DIAPH2: variants seen among roughly 807,000 people sequenced by gnomAD.
The protein encoded by DIAPH2 is diaphanous related formin 2, also known as protein diaphanous homolog 2.
DIAPH2 carries 35 observed loss-of-function variants against 92.7 expected under a neutral mutation model. The ratio of observed to expected loss-of-function variants is 0.38; its 90% CI spans 0.29 to 0.50. The LOEUF is 0.50. Among genes scored for constraint, DIAPH2 ranks in the 20% least tolerant of loss-of-function variants. The probability of loss-of-function intolerance (pLI) is 0.94; values close to 1 mark genes in which losing one functional copy is unlikely to be tolerated. For missense variants in DIAPH2, 701 were observed against 819.5 expected (o/e 0.86, Z 1.77); for synonymous variants, 301 against 280.4 (o/e 1.07, Z -0.73).
intron 24 of DIAPH2, among the ~76,000 whole-genome samples, chrX:97,357,971 C>T (rs1022092562): frequency 1.8e-5 from 2 of 111,588 alleles, no homozygotes; most frequent in Non-Finnish European, 3.8e-5. Context: ...TTTTGTTCTC[C>T]CCCACCTCAT....
intron 26 of DIAPH2, among the ~76,000 whole-genome samples, chrX:97,552,565 CTT>C (rs758110409): frequency 1.0e-5 from 1 of 95,444 alleles, no homozygotes. Flanking sequence ...ACACATTTTT[CTT>C]TTTTTTTTTT....
In DIAPH2 at chrX:96,867,023, T is replaced by C. The variant is rs756368580; in HGVS notation, c.448-14556T>C. ...TAAGAATGCTACCAGCAGAAACAGATGGTTGGTAATCTGTAAAAGTAATGC... is the reference window on the plus strand; with the variant it reads ...TAAGAATGCTACCAGCAGAAACAGACGGTTGGTAATCTGTAAAAGTAATGC... On this transcript the variant is annotated intron_variant, in intron 4 of 26. Transcript: ENST00000324765. Among the ~76,000 whole-genome samples the C allele has an allele frequency of 1.6e-3, 177 of 111,848 alleles. 1 individual carries two copies. Among genetic ancestry groups the C allele is most frequent in the African/African-American group, 5.4e-3 (166 of 30,818 alleles).
chrX:96,770,740 GA>G (rs1477985439), intron 4 of DIAPH2, among the ~76,000 whole-genome samples: 11 of 111,720 alleles, frequency 9.8e-5, no homozygotes, highest in African/African-American at 1.3e-4. Flanking sequence ...ATATAAAATA[GA>G]AAAACTCATT....
intron 26 of DIAPH2, among the ~76,000 whole-genome samples, chrX:97,477,818 C>T (rs1436778400): frequency 9.0e-6 from 1 of 111,368 alleles, no homozygotes; most frequent in Non-Finnish European, 1.9e-5. Flanking sequence ...TTATATTTCC[C>T]TATAAATTTC....
intron 26 of DIAPH2, among the ~76,000 whole-genome samples, chrX:97,565,541 C>T (rs763828856): frequency 7.2e-5 from 8 of 111,886 alleles, no homozygotes; most frequent in Non-Finnish European, 1.1e-4. Flanking sequence ...GAAATGTAGA[C>T]GAAACAGTGA....
At chrX:97,493,800 C>A (rs1200644264) in intron 26 of DIAPH2, among the ~76,000 whole-genome samples, 9 of 109,580 alleles carry the variant, frequency 8.2e-5, no homozygotes, top group African/African-American at 3.0e-4. Flanking sequence ...GCAGGAGAAT[C>A]TCTTGAGCCT....
chrX:96,855,154 T>C (rs1235125908), intron 4 of DIAPH2, among the ~76,000 whole-genome samples: 1 of 111,348 alleles, frequency 9.0e-6, no homozygotes, highest in East Asian at 2.8e-4. Flanking sequence ...TAATTAGAAA[T>C]TTATATCTTC....
intron 26 of DIAPH2, among the ~76,000 whole-genome samples, chrX:97,474,237 CTCTAT>C (rs1404769263): frequency 1.2e-4 from 14 of 112,167 alleles, no homozygotes; most frequent in Admixed American, 4.7e-4. Context: ...TGTCTTATGA[CTCTAT>C]TCTATTATGA....
chrX:97,149,696 A>G (rs1187873659), intron 22 of DIAPH2, among the ~76,000 whole-genome samples: 1 of 81,574 alleles, frequency 1.2e-5, no homozygotes, highest in Non-Finnish European at 2.2e-5. Flanking sequence ...GCGCCACCGC[A>G]CTCCAGCCTG....
chrX:96,967,065 G>T (rs1477714964), intron 17 of DIAPH2, among the ~76,000 whole-genome samples: 1 of 111,225 alleles, frequency 9.0e-6, no homozygotes, highest in Non-Finnish European at 1.9e-5. Context: ...TGTATTCAGG[G>T]GGTACATGTG....
Position 96,832,317 on chromosome X carries a change from C to G in DIAPH2, c.448-49262C>G, listed in dbSNP as rs376264336. ...AAAAAAAAAATTGTCTCCCAACTGC[C>G]TCTCACATATACTTTGACAAAGTGC... On this transcript the variant is annotated intron_variant, in intron 4 of 26. Coordinates refer to ENST00000324765, the MANE Select transcript of DIAPH2 (RefSeq NM_006729.5). Among the ~76,000 whole-genome samples the G allele has an allele frequency of 7.2e-5, 8 of 111,756 alleles. No homozygotes were observed. In the East Asian group the frequency reaches 2.2e-3, roughly 31 times the overall value.
intron 5 of DIAPH2, among the ~76,000 whole-genome samples, chrX:96,902,193 G>A (rs920299166): frequency 8.9e-6 from 1 of 112,028 alleles, no homozygotes; most frequent in African/African-American, 3.2e-5. Context: ...AACTTGTTTT[G>A]TGGTCTATCA....
chrX:97,522,875 A>G (rs189107862), intron 26 of DIAPH2, among the ~76,000 whole-genome samples: 2 of 112,568 alleles, frequency 1.8e-5, no homozygotes, highest in African/African-American at 6.4e-5. Flanking sequence ...TCTGTCTGTT[A>G]AGCAGCGGCA....
At chrX:97,166,029 G>C (rs146138786) in intron 22 of DIAPH2, among the ~76,000 whole-genome samples, 15 of 109,564 alleles carry the variant, frequency 1.4e-4, no homozygotes, top group Non-Finnish European at 2.8e-4. Context: ...AATACTGTGC[G>C]TTCATTGAGA....
chrX:97,112,266 G>A (rs747366312), intron 20 of DIAPH2, among the ~76,000 whole-genome samples: 1 of 111,508 alleles, frequency 9.0e-6, no homozygotes, highest in African/African-American at 3.3e-5. Flanking sequence ...GCCCCTATAA[G>A]CTCTGCAAAG....
Position 97,247,722 on chromosome X carries a change from T to C in DIAPH2, c.2727T>C (p.Ala909=), listed in dbSNP as rs775045691. The change falls in exon 23 of 27, where the codon GCT becomes GCC. Residue 909 remains alanine, a synonymous_variant. Transcript: ENST00000324765. ...TTGCACACTGTTCTTTAGTTTCAGCTCAAATTCTCAAGAGCAACCTTGCAT... is the reference window on the plus strand; with the variant it reads ...TTGCACACTGTTCTTTAGTTTCAGCCCAAATTCTCAAGAGCAACCTTGCAT... ...EHVESASKVS[A]QILKSNLASM... The C allele has an allele frequency of 1.7e-6, 2 of 1,204,475 alleles. No homozygotes were observed. The highest frequency in any genetic ancestry group is 3.5e-5 in the African/African-American group (2 of 57,651).
chrX:96,795,437 A>G (rs2064531387), intron 4 of DIAPH2, among the ~76,000 whole-genome samples: 1 of 111,896 alleles, frequency 8.9e-6, no homozygotes, highest in Admixed American at 9.5e-5. Context: ...TGGTTAAAGC[A>G]TTTCATAAAC....
At chrX:97,013,074 C>G (rs1180570815) in intron 17 of DIAPH2, among the ~76,000 whole-genome samples, 2 of 112,003 alleles carry the variant, frequency 1.8e-5, no homozygotes, top group Non-Finnish European at 3.8e-5. Flanking sequence ...CCTGCTGATG[C>G]TGGAAGGTTC....
intron 26 of DIAPH2, among the ~76,000 whole-genome samples, chrX:97,482,441 G>A (rs775477813): frequency 2.0e-4 from 22 of 111,744 alleles, no homozygotes; most frequent in African/African-American, 7.1e-4. Context: ...AGATTTTATA[G>A]CAATAATGGC....
Sources: gnomAD v4.1 joint callset for allele counts (sites outside exome capture counted in the v4.1 genomes callset) on GRCh38, gnomAD v4.1.1 for gene constraint, MANE v1.5 for transcripts, NCBI Gene and HGNC (gene_info 2026-07-23, HGNC 2026-07-21) for gene names.